Variants in PABPC4L observed in about 807,000 individuals in gnomAD.
PABPC4L encodes poly(A) binding protein cytoplasmic 4 like, also known as polyadenylate-binding protein 4-like.
For synonymous variants in PABPC4L, 169 were observed against 164.1 expected (o/e 1.03, Z -0.23); for missense variants, 452 against 451.4 (o/e 1.00, Z -0.01).
chr4:133,961,173 A>G, the PABPC4L span, among the ~76,000 whole-genome samples: 1 of 152,126 alleles, frequency 6.6e-6, no homozygotes, highest in East Asian at 1.9e-4. Flanking sequence ...CCCTCCTGCC[A>G]TCGCCACCAG....
At chr4:134,032,192 A>G in the PABPC4L span, among the ~76,000 whole-genome samples, 1 of 151,848 alleles carries the variant, frequency 6.6e-6, no homozygotes, top group African/African-American at 2.4e-5. Flanking sequence ...CAAAGGCACA[A>G]TTCCTACAGG....
the PABPC4L span, among the ~76,000 whole-genome samples, chr4:133,987,683 C>T: frequency 6.6e-6 from 1 of 152,046 alleles, no homozygotes; most frequent in Non-Finnish European, 1.5e-5. Context: ...AAATTAGGTG[C>T]AAAGTGAATA....
At chr4:134,065,553 TC>T in the PABPC4L span, among the ~76,000 whole-genome samples, 1 of 152,044 alleles carries the variant, frequency 6.6e-6, no homozygotes, top group Non-Finnish European at 1.5e-5. Context: ...AATACTTTCT[TC>T]CATTCTGGAG....
the PABPC4L span, among the ~76,000 whole-genome samples, chr4:134,054,333 A>C: frequency 5.1e-5 from 7 of 137,540 alleles, no homozygotes; most frequent in South Asian, 9.3e-4. Context: ...GTTTTAAATA[A>C]ATTTTTTTTT....
At chr4:134,126,489 C>A in the PABPC4L span, among the ~76,000 whole-genome samples, 9 of 152,092 alleles carry the variant, frequency 5.9e-5, no homozygotes, top group Non-Finnish European at 1.3e-4. Flanking sequence ...GTTGGTGTTA[C>A]TTCCCATGCT....
At chr4:134,048,381 GT>G in the PABPC4L span, among the ~76,000 whole-genome samples, 2 of 152,044 alleles carry the variant, frequency 1.3e-5, no homozygotes, top group East Asian at 3.9e-4. Context: ...ATACCCAGAT[GT>G]TTGGAGGTAT....
At chr4:134,081,514 T>C in the PABPC4L span, among the ~76,000 whole-genome samples, 6 of 152,254 alleles carry the variant, frequency 3.9e-5, no homozygotes, top group Middle Eastern at 3.4e-3. Flanking sequence ...TGGAGTTTAT[T>C]TGAGAGTTTA....
the PABPC4L span, among the ~76,000 whole-genome samples, chr4:134,133,398 T>A: frequency 7.0e-6 from 1 of 143,820 alleles, no homozygotes; most frequent in Non-Finnish European, 1.5e-5. Flanking sequence ...TAATAATAAA[T>A]ATTATATATT....
the PABPC4L span, among the ~76,000 whole-genome samples, chr4:134,107,005 A>C: frequency 6.6e-6 from 1 of 151,502 alleles, no homozygotes; most frequent in Non-Finnish European, 1.5e-5. Context: ...TAAGTGGAGA[A>C]TTTACCTAGC....
At chr4:134,099,001 A>C in the PABPC4L span, among the ~76,000 whole-genome samples, 1 of 151,652 alleles carries the variant, frequency 6.6e-6, no homozygotes, top group Non-Finnish European at 1.5e-5. Context: ...ATTCAAGTGG[A>C]GTTTAGAAAG....
the PABPC4L span, among the ~76,000 whole-genome samples, chr4:134,095,323 T>C: frequency 6.6e-6 from 1 of 151,936 alleles, no homozygotes; most frequent in Admixed American, 6.6e-5. Context: ...AAATATTCAC[T>C]CTAGTGTGAT....
the PABPC4L span, among the ~76,000 whole-genome samples, chr4:133,988,583 G>T: frequency 6.6e-6 from 1 of 152,198 alleles, no homozygotes; most frequent in East Asian, 1.9e-4. Flanking sequence ...CAGGAGCCCT[G>T]CCCTGTGGCT....
In PABPC4L at chr4:134,197,546, A is replaced by C. The variant is rs1729701579; in HGVS notation, c.*2361T>G. On this transcript the variant is annotated 3_prime_UTR_variant, in exon 2 of 2. Transcript: ENST00000421491. Reference sequence around the variant, plus strand: ...CCTTCAAAACTATAAAGACAGTGAAATATCAGGGGGAAAAGTCTAAAATGT... The same window carrying C: ...CCTTCAAAACTATAAAGACAGTGAACTATCAGGGGGAAAAGTCTAAAATGT... 6.6e-6 allele frequency: 1 copy of C among 151,878 alleles called. No homozygotes were observed. 9.4% of individuals were successfully genotyped at this position (151,878 alleles called of 1,614,324 possible).
the PABPC4L span, among the ~76,000 whole-genome samples, chr4:134,006,656 T>C: frequency 6.6e-6 from 1 of 151,874 alleles, no homozygotes; most frequent in Non-Finnish European, 1.5e-5. Flanking sequence ...GTAGGCAGGC[T>C]TCTCTGGAAA....
At chr4:134,108,250 A>G in the PABPC4L span, among the ~76,000 whole-genome samples, 1 of 151,770 alleles carries the variant, frequency 6.6e-6, no homozygotes, top group Admixed American at 6.6e-5. Context: ...AAAATGTTCC[A>G]TACTTCAATT....
chr4:134,135,660 C>A, the PABPC4L span, among the ~76,000 whole-genome samples: 1 of 151,882 alleles, frequency 6.6e-6, no homozygotes, highest in African/African-American at 2.4e-5. Flanking sequence ...GGAGAAACTC[C>A]GTCTCTACTG....
the PABPC4L span, among the ~76,000 whole-genome samples, chr4:133,953,695 T>C: frequency 6.6e-6 from 1 of 152,044 alleles, no homozygotes; most frequent in Non-Finnish European, 1.5e-5. Flanking sequence ...ATTCCTGGGG[T>C]CATTATTATT....
the PABPC4L span, among the ~76,000 whole-genome samples, chr4:134,054,021 T>C: frequency 6.6e-6 from 1 of 151,544 alleles, no homozygotes; most frequent in Admixed American, 6.6e-5. Flanking sequence ...ACTAATTCCT[T>C]CTGGTCATCT....
chr4:134,170,743 C>T, the PABPC4L span, among the ~76,000 whole-genome samples: 8 of 152,204 alleles, frequency 5.3e-5, no homozygotes, highest in East Asian at 7.7e-4. Flanking sequence ...AACCTCCCAC[C>T]GGGTCCCACC....
Sources: allele counts gnomAD v4.1 joint callset (sites outside exome capture counted in the v4.1 genomes callset), GRCh38; gene constraint gnomAD v4.1.1; transcripts MANE v1.5; gene names NCBI Gene and HGNC (gene_info 2026-07-23, HGNC 2026-07-21).